Variants in INVS observed in about 807,000 individuals in gnomAD.
INVS encodes the protein inversion of embryo turning homolog.
Under a neutral mutation model 108.8 loss-of-function variants are expected in INVS, and 86 were observed. The observed-to-expected ratio is 0.79, with a 90% CI of 0.66 to 0.95. The LOEUF (loss-of-function observed/expected upper bound fraction) is 0.95, where lower values mean the gene tolerates loss of function less well. Among genes scored for constraint, INVS ranks in the 40% least tolerant of loss-of-function variants. The probability of loss-of-function intolerance (pLI) is 0.00; values close to 1 mark genes in which losing one functional copy is unlikely to be tolerated. For synonymous variants in INVS, 455 were observed against 473.5 expected, an observed-to-expected ratio of 0.96 and a Z score of 0.51; for missense variants, 1,169 against 1,297.4, an observed-to-expected ratio of 0.90 and a Z score of 1.52.
chr9:100,242,493 T>C, intron 6 of INVS, 77 bp from the exon 7 acceptor site: 1 of 876,762 alleles, frequency 1.1e-6, no homozygotes, highest in Non-Finnish European at 1.9e-6. Flanking sequence ...ATTTTTCTTA[T>C]CTTTTTCATT....
intron 16 of INVS, among the ~76,000 whole-genome samples, chr9:100,298,979 C>T (rs917848418): frequency 5.3e-5 from 8 of 152,152 alleles, no homozygotes; most frequent in African/African-American, 1.9e-4. Flanking sequence ...GGCATTTAGA[C>T]AATCAAATAC....
intron 5 of INVS, among the ~76,000 whole-genome samples, chr9:100,230,060 G>A (rs1831459716): frequency 6.6e-6 from 1 of 151,990 alleles, no homozygotes; most frequent in South Asian, 2.1e-4. Context: ...CCTACGCCGT[G>A]CTCATTCCTG....
At chr9:100,118,624 T>C (rs1323539370) in intron 2 of INVS, among the ~76,000 whole-genome samples, 1 of 152,170 alleles carries the variant, frequency 6.6e-6, no homozygotes, top group Non-Finnish European at 1.5e-5. Flanking sequence ...TTTTTGTATA[T>C]GTTTTTGTTT....
At chr9:100,150,954 T>C (rs577299975) in intron 3 of INVS, among the ~76,000 whole-genome samples, 2 of 152,194 alleles carry the variant, frequency 1.3e-5, no homozygotes, top group Non-Finnish European at 2.9e-5. Context: ...GGAGGACAGG[T>C]TGTAATTTTA....
chr9:100,161,364 CAAAAAA>C (rs35392930), intron 3 of INVS, among the ~76,000 whole-genome samples: 3 of 12,370 alleles, frequency 2.4e-4, no homozygotes, highest in Non-Finnish European at 4.7e-4. Context: ...ACTTCCATCT[CAAAAAA>C]AAAAAAAAAA....
chr9:100,282,678 T>C (rs980746299), intron 12 of INVS, among the ~76,000 whole-genome samples: 5 of 152,222 alleles, frequency 3.3e-5, no homozygotes, highest in African/African-American at 1.2e-4. Context: ...CTTCTGTGTC[T>C]GATCCTTAGC....
At chr9:100,140,234 G>A (rs1828379198) in intron 3 of INVS, among the ~76,000 whole-genome samples, 1 of 152,152 alleles carries the variant, frequency 6.6e-6, no homozygotes, top group Non-Finnish European at 1.5e-5. Context: ...TGAGCAACAA[G>A]GCTATTTATT....
At chr9:100,287,762 C>T (rs1198386683) in intron 13 of INVS, among the ~76,000 whole-genome samples, 1 of 152,144 alleles carries the variant, frequency 6.6e-6, no homozygotes, top group Non-Finnish European at 1.5e-5. Context: ...AACTGTGAGT[C>T]GATTAAACCT....
intron 2 of INVS, among the ~76,000 whole-genome samples, chr9:100,107,219 T>C (rs557460831): frequency 5.3e-5 from 8 of 152,310 alleles, no homozygotes; most frequent in Admixed American, 1.3e-4. Flanking sequence ...AAGCCCCTAA[T>C]GCATCCTTCT....
intron 4 of INVS, among the ~76,000 whole-genome samples, chr9:100,227,100 G>T (rs928561057): frequency 3.3e-5 from 5 of 152,126 alleles, no homozygotes; most frequent in African/African-American, 9.7e-5. Flanking sequence ...TTACTGTTAG[G>T]TTCAGCATAG....
chr9:100,166,098 G>A (rs918872474), intron 3 of INVS, among the ~76,000 whole-genome samples: 4 of 152,076 alleles, frequency 2.6e-5, no homozygotes, highest in Non-Finnish European at 5.9e-5. Context: ...TGCTCACCCA[G>A]TCAAGAATGA....
chr9:100,214,911 T>C (rs1343822264), intron 3 of INVS: 1 of 152,256 alleles, frequency 6.6e-6, no homozygotes, highest in Non-Finnish European at 1.5e-5. Flanking sequence ...AGGTCTCATG[T>C]GTTTCCTTCC....
chr9:100,236,692 C>T (rs1331609219), intron 5 of INVS, among the ~76,000 whole-genome samples: 1 of 152,176 alleles, frequency 6.6e-6, no homozygotes, highest in Non-Finnish European at 1.5e-5. Context: ...GCAGAGGCTA[C>T]GGAACAGTAA....
intron 3 of INVS, among the ~76,000 whole-genome samples, chr9:100,172,088 A>G (rs1829559532): frequency 1.3e-5 from 2 of 152,106 alleles, no homozygotes; most frequent in South Asian, 4.1e-4. Flanking sequence ...TCACAAAATG[A>G]TAAGGCCCTT....
At chr9:100,261,979 A>G (rs776859362) in intron 10 of INVS, among the ~76,000 whole-genome samples, 22 of 151,832 alleles carry the variant, frequency 1.4e-4, no homozygotes, top group Non-Finnish European at 2.9e-4. Flanking sequence ...CTATTTATGC[A>G]TTTATCAACA....
chr9:100,171,179 A>G (rs1414361530), intron 3 of INVS, among the ~76,000 whole-genome samples: 1 of 152,166 alleles, frequency 6.6e-6, no homozygotes, highest in African/African-American at 2.4e-5. Context: ...CACATATACA[A>G]TGGTGGTCCC....
intron 5 of INVS, among the ~76,000 whole-genome samples, chr9:100,230,656 C>T (rs1831480416): frequency 6.6e-6 from 1 of 152,006 alleles, no homozygotes; most frequent in Non-Finnish European, 1.5e-5. Context: ...GTAGCTGGGA[C>T]TGCAGGCGTG....
chr9:100,229,849 G>C (rs374906640), intron 5 of INVS, 22 bp downstream of exon 5: 1 of 1,612,444 alleles, frequency 6.2e-7, no homozygotes, highest in Non-Finnish European at 8.5e-7. Context: ...GGTACTGCTA[G>C]ACCTGAATGG....
intron 3 of INVS, among the ~76,000 whole-genome samples, chr9:100,193,415 C>A (rs1231285572): frequency 3.9e-5 from 6 of 152,108 alleles, no homozygotes; most frequent in African/African-American, 1.4e-4. Context: ...TAAGCACATT[C>A]ACAGCATTGT....
Sources: allele counts gnomAD v4.1 joint callset (sites outside exome capture counted in the v4.1 genomes callset), GRCh38; gene constraint gnomAD v4.1.1; transcripts MANE v1.5; gene names NCBI Gene and HGNC (gene_info 2026-07-23, HGNC 2026-07-21).